The following ROBO1 variants were observed in gnomAD, a reference collection of about 807,000 sequenced individuals.
ROBO1 encodes roundabout homolog 1.
In ROBO1, 149 loss-of-function variants were observed where a neutral mutation model predicts 195.9. The ratio of observed to expected loss-of-function variants is 0.76; its 90% confidence interval spans 0.67 to 0.87. The LOEUF (loss-of-function observed/expected upper bound fraction) is 0.87, where lower values mean the gene tolerates loss of function less well. Among genes scored for constraint, ROBO1 ranks in the 40% least tolerant of loss-of-function variants. ROBO1 has a pLI of 0.00. For missense variants in ROBO1, 1,933 were observed against 2,068.3 expected (o/e 0.93, Z 1.27); for synonymous variants, 816 against 733.2 (o/e 1.11, Z -1.82).
intron 2 of ROBO1, among the ~76,000 whole-genome samples, chr3:79,216,670 T>C (rs2082060675): frequency 6.6e-6 from 1 of 151,434 alleles, no homozygotes; most frequent in African/African-American, 2.4e-5. Context: ...GATTTAGCTA[T>C]TTTTTTGAAG....
intron 2 of ROBO1, among the ~76,000 whole-genome samples, chr3:79,535,681 T>G (rs1302177416): frequency 1.3e-5 from 2 of 152,182 alleles, no homozygotes. Context: ...ATTTTTTTTA[T>G]GTAATAAAAT....
chr3:78,654,821 C>A (rs996517584), intron 18 of ROBO1, among the ~76,000 whole-genome samples: 1 of 152,040 alleles, frequency 6.6e-6, no homozygotes, highest in African/African-American at 2.4e-5. Context: ...AATTTATCTT[C>A]CAAAAAACAG....
chr3:79,362,506 T>C (rs750516821), intron 2 of ROBO1, among the ~76,000 whole-genome samples: 6 of 152,290 alleles, frequency 3.9e-5, no homozygotes, highest in Non-Finnish European at 8.8e-5. Context: ...TAATACAAGA[T>C]TGAAAAGTAT....
intron 4 of ROBO1, among the ~76,000 whole-genome samples, chr3:78,860,326 A>ATATATATATAT (rs376853384): frequency 8.4e-4 from 79 of 93,514 alleles, no homozygotes; most frequent in African/African-American, 2.5e-3. Flanking sequence ...ATATATATAT[A>ATATATATATAT]TTTTTTTTTT....
At chr3:79,767,473 C>G (rs1705059448) in intron 1 of ROBO1, among the ~76,000 whole-genome samples, 1 of 152,196 alleles carries the variant, frequency 6.6e-6, no homozygotes, top group African/African-American at 2.4e-5. Flanking sequence ...GGAACGGACA[C>G]TCTGCACAAC....
intron 4 of ROBO1, among the ~76,000 whole-genome samples, chr3:78,798,705 C>G (rs1184755319): frequency 6.6e-6 from 1 of 152,160 alleles, no homozygotes; most frequent in African/African-American, 2.4e-5. Flanking sequence ...TATAGGAACA[C>G]AGACATGTCA....
intron 1 of ROBO1, among the ~76,000 whole-genome samples, chr3:79,647,341 G>A (rs1945848999): frequency 6.6e-6 from 1 of 152,038 alleles, no homozygotes; most frequent in Middle Eastern, 3.4e-3. Context: ...GTATAAGTAG[G>A]CTTCCTATTA....
intron 4 of ROBO1, among the ~76,000 whole-genome samples, chr3:78,848,025 C>T (rs1360976381): frequency 6.6e-6 from 1 of 151,946 alleles, no homozygotes. Context: ...CAAAAGGTAA[C>T]ATAAAACCAA....
At chr3:79,106,992 C>A (rs576393178) in intron 3 of ROBO1, among the ~76,000 whole-genome samples, 16 of 151,684 alleles carry the variant, frequency 1.1e-4, no homozygotes, top group Admixed American at 9.2e-4. Context: ...GAAGTCAACA[C>A]AAAATATATC....
At chr3:79,385,456 C>G (rs2036706991) in intron 2 of ROBO1, among the ~76,000 whole-genome samples, 1 of 151,998 alleles carries the variant, frequency 6.6e-6, no homozygotes, top group Admixed American at 6.6e-5. Flanking sequence ...AAAAATAACT[C>G]AGTATCATCA....
At chr3:79,144,393 CCT>C (rs1419529342) in intron 2 of ROBO1, among the ~76,000 whole-genome samples, 1 of 151,962 alleles carries the variant, frequency 6.6e-6, no homozygotes, top group African/African-American at 2.4e-5. Context: ...TCCTTTTCTC[CCT>C]CTTTTCCCCT....
chr3:79,555,935 C>T (rs541795832), intron 2 of ROBO1, among the ~76,000 whole-genome samples: 11 of 152,188 alleles, frequency 7.2e-5, no homozygotes, highest in South Asian at 6.2e-4. Context: ...GAGTGTGCCA[C>T]GCATGCTTAT....
intron 1 of ROBO1, among the ~76,000 whole-genome samples, chr3:79,707,077 G>A (rs535121947): frequency 8.5e-5 from 13 of 152,206 alleles, no homozygotes; most frequent in African/African-American, 3.1e-4. Context: ...AGAGAACTGG[G>A]AGAAATTTCC....
intron 2 of ROBO1, among the ~76,000 whole-genome samples, chr3:79,522,218 C>G (rs62257639): frequency 0.081 from 12,354 of 152,112 alleles, 661 homozygotes; most frequent in East Asian, 0.17. Context: ...ACCCAAACTT[C>G]TGAGGATTGC....
chr3:79,521,666 C>T (rs1941214973), intron 2 of ROBO1, among the ~76,000 whole-genome samples: 1 of 152,136 alleles, frequency 6.6e-6, no homozygotes, highest in Non-Finnish European at 1.5e-5. Flanking sequence ...GTAGTGAATA[C>T]TTATTTAGCT....
intron 2 of ROBO1, among the ~76,000 whole-genome samples, chr3:79,482,685 C>A (rs1001292626): frequency 1.3e-5 from 2 of 152,028 alleles, no homozygotes; most frequent in African/African-American, 4.8e-5. Context: ...CTCACAGCTG[C>A]TAAGTAAGAC....
At chr3:79,580,550 C>T (rs1035631842) in intron 2 of ROBO1, among the ~76,000 whole-genome samples, 8 of 151,794 alleles carry the variant, frequency 5.3e-5, no homozygotes, top group African/African-American at 1.9e-4. Flanking sequence ...TAAATCTTAT[C>T]CTCCTTTTAA....
intron 4 of ROBO1, among the ~76,000 whole-genome samples, chr3:78,791,819 T>C (rs1416292789): frequency 1.3e-5 from 2 of 152,230 alleles, no homozygotes; most frequent in African/African-American, 4.8e-5. Flanking sequence ...ATGTTCCGTG[T>C]AATTATGATA....
intron 3 of ROBO1, among the ~76,000 whole-genome samples, chr3:79,081,935 G>C (rs1559645424): frequency 6.6e-6 from 1 of 152,042 alleles, no homozygotes. Context: ...GCCTACATTG[G>C]TCTTTTAGCC....
Sources: gnomAD v4.1 joint callset for allele counts (sites outside exome capture counted in the v4.1 genomes callset) on GRCh38, gnomAD v4.1.1 for gene constraint, MANE v1.5 for transcripts, NCBI Gene and HGNC (gene_info 2026-07-23, HGNC 2026-07-21) for gene names.